Variants in FGD5 observed in about 807,000 individuals in gnomAD.
FGD5 encodes the protein FYVE, RhoGEF and PH domain containing 5, also known as FYVE, RhoGEF and PH domain-containing protein 5.
Under a neutral mutation model 133.4 loss-of-function variants are expected in FGD5, and 28 were observed. The observed-to-expected ratio is 0.21, with a 90% CI of 0.16 to 0.29. The LOEUF is 0.29. Ranked by LOEUF, FGD5 falls within the 10% of genes least tolerant of loss-of-function variation. The pLI, the probability that FGD5 is intolerant of heterozygous loss-of-function variation, is 1.00. For missense variants in FGD5, 1,858 were observed against 1,895.2 expected (o/e 0.98, Z 0.36); for synonymous variants, 810 against 776.5 (o/e 1.04, Z -0.72).
chr3:14,820,444 C>G lies in FGD5; in HGVS notation c.1373C>G (p.Ser458Trp), dbSNP rs199523576. The G allele has an allele frequency of 5.0e-6, 8 of 1,613,732 alleles. No homozygotes were observed. The highest frequency in any genetic ancestry group is 1.1e-5 in the South Asian group (1 of 91,076). Residue 458 changes from serine to tryptophan, a missense_variant, in exon 1 of 20, where the codon TCG (serine) becomes TGG (tryptophan). Coordinates refer to ENST00000285046, the MANE Select transcript of FGD5 (RefSeq NM_152536.4). ...AASDALGGYG[S>W]KEELNCEAEG... Reference sequence around the variant, plus strand: ...TCGGACGCCCTGGGTGGTTATGGCTCGAAAGAAGAATTGAACTGTGAGGCA... The same window carrying G: ...TCGGACGCCCTGGGTGGTTATGGCTGGAAAGAAGAATTGAACTGTGAGGCA...
At chr3:14,926,394 C>A (rs951676376) in intron 18 of FGD5, among the ~76,000 whole-genome samples, 196 bp downstream of exon 18, 3 of 152,216 alleles carry the variant, frequency 2.0e-5, no homozygotes, top group Admixed American at 2.0e-4. Flanking sequence ...ACTTCAAAAT[C>A]TAAGGAATTT....
At chr3:14,838,439 T>C (rs542053404) in intron 1 of FGD5, among the ~76,000 whole-genome samples, 5 of 152,188 alleles carry the variant, frequency 3.3e-5, no homozygotes, top group African/African-American at 1.2e-4. Flanking sequence ...GATTAGGGAG[T>C]GGACATTTTG....
At chr3:14,856,397 G>T (rs1472133994) in intron 1 of FGD5, among the ~76,000 whole-genome samples, 2 of 152,058 alleles carry the variant, frequency 1.3e-5, no homozygotes, top group Non-Finnish European at 2.9e-5. Context: ...TTTAATTTCT[G>T]TTTCTGTGAA....
chr3:14,907,524 G>C, intron 9 of FGD5, 116 bp from the exon 10 acceptor site: 1 of 904,590 alleles, frequency 1.1e-6, no homozygotes, highest in Non-Finnish European at 1.7e-6. Context: ...ATTTGGGGCA[G>C]GCCTTTCCGG....
intron 17 of FGD5, 89 bp downstream of exon 17, chr3:14,924,227 TC>T (rs2038746050): frequency 6.3e-7 from 1 of 1,589,194 alleles, no homozygotes; most frequent in Non-Finnish European, 8.6e-7. Context: ...CCCTGCCCTG[TC>T]CCAGCCTGAC....
chr3:14,914,167 G>A (rs552980840), intron 11 of FGD5, among the ~76,000 whole-genome samples: 76 of 152,302 alleles, frequency 5.0e-4, no homozygotes, highest in African/African-American at 1.8e-3. Context: ...CTCAAGCCAG[G>A]GAGTGCCATG....
intron 2 of FGD5, among the ~76,000 whole-genome samples, chr3:14,872,031 T>C (rs929318462): frequency 6.6e-6 from 1 of 152,172 alleles, no homozygotes; most frequent in Non-Finnish European, 1.5e-5. Context: ...GTTGACAAGA[T>C]CCTCAGTGAC....
At chr3:14,902,899 C>T (rs916848588) in intron 9 of FGD5, among the ~76,000 whole-genome samples, 9 of 152,162 alleles carry the variant, frequency 5.9e-5, no homozygotes, top group African/African-American at 1.7e-4. Flanking sequence ...GAGGAGGAAC[C>T]GGAGCAGCCG....
intron 4 of FGD5, among the ~76,000 whole-genome samples, chr3:14,889,996 A>T (rs966345641): frequency 1.3e-5 from 2 of 152,100 alleles, no homozygotes; most frequent in African/African-American, 4.8e-5. Context: ...AGTTTTTTTT[A>T]ACAGCTTCAT....
At chr3:14,844,510 C>T (rs1423351398) in intron 1 of FGD5, among the ~76,000 whole-genome samples, 1 of 151,334 alleles carries the variant, frequency 6.6e-6, no homozygotes, top group Non-Finnish European at 1.5e-5. Flanking sequence ...GCCTTGGGAC[C>T]CGACTGACAC....
intron 4 of FGD5, among the ~76,000 whole-genome samples, chr3:14,884,848 T>C (rs1029366683): frequency 6.6e-6 from 1 of 152,104 alleles, no homozygotes; most frequent in Non-Finnish European, 1.5e-5. Context: ...GCAAACTGTT[T>C]ATCATGAGTG....
intron 1 of FGD5, among the ~76,000 whole-genome samples, chr3:14,859,890 C>T (rs374965826): frequency 6.7e-6 from 1 of 148,398 alleles, no homozygotes; most frequent in South Asian, 2.2e-4. Context: ...ACTCCCCCCC[C>T]AAAAAGGGAA....
intron 9 of FGD5, among the ~76,000 whole-genome samples, chr3:14,903,490 C>G (rs13087902): frequency 2.0e-5 from 3 of 146,410 alleles, no homozygotes; most frequent in Admixed American, 1.4e-4. Flanking sequence ...TCTCCCAGTG[C>G]TATCCCTCCC....
intron 16 of FGD5, 115 bp from the exon 17 acceptor site, chr3:14,923,893 C>A: frequency 1.5e-6 from 2 of 1,300,566 alleles, no homozygotes; most frequent in Non-Finnish European, 2.1e-6. Context: ...CTTTCAGGTC[C>A]CACTTAACCC....
chr3:14,901,224 G>A (rs188466220), intron 9 of FGD5, among the ~76,000 whole-genome samples, 163 bp downstream of exon 9: 221 of 152,314 alleles, frequency 1.5e-3, no homozygotes, highest in African/African-American at 5.0e-3. Context: ...CTCTTGATGT[G>A]TGACCTCAGG....
At chr3:14,855,606 T>G (rs1235462277) in intron 1 of FGD5, among the ~76,000 whole-genome samples, 1 of 152,202 alleles carries the variant, frequency 6.6e-6, no homozygotes, top group African/African-American at 2.4e-5. Context: ...CCCTAGTGAT[T>G]AGTGATGTGG....
rs373309968 is a variant in FGD5, at chr3:14,820,167, T to A, written c.1096T>A (p.Ser366Thr). 6.2e-7 allele frequency: 1 copy of A among 1,613,862 alleles called. No individual in the cohort carries two copies. The highest frequency in any genetic ancestry group is 8.5e-7 in the Non-Finnish European group (1 of 1,179,864). The change falls in exon 1 of 20, where the codon TCT becomes ACT. Residue 366 changes from serine to threonine, a missense_variant. This residue lies in a region of FGD5 where 1,824 missense variants were observed against 1,848.9 expected (regional missense o/e 0.99). Transcript: ENST00000285046. ...SFCSESCSPL[S>T]ESAKGLESEQ... ...TTGCAGCGAGAGCTGTTCTCCTCTTTCTGAATCAGCGAAAGGTTTAGAATC... is the reference window on the plus strand; with the variant it reads ...TTGCAGCGAGAGCTGTTCTCCTCTTACTGAATCAGCGAAAGGTTTAGAATC...
Position 14,926,194 on chromosome 3 carries a change from G to C in FGD5, c.4193G>C (p.Ser1398Thr). ...KGKVLYTYMA[S>T]EDKVALESMP... ...AAAGTTCTCTACACCTACATGGCCAGTGAGGTAGTAGTGATCTGCACTCTC... is the reference window on the plus strand; with the variant it reads ...AAAGTTCTCTACACCTACATGGCCACTGAGGTAGTAGTGATCTGCACTCTC... Residue 1398 changes from serine to threonine, a missense_variant, in exon 18 of 20, where the codon AGT (serine) becomes ACT (threonine). Ser to Thr is a moderately conservative substitution (Grantham distance 58, BLOSUM62 1). Around this residue, in one of 3 missense-constraint regions of FGD5, gnomAD observed 1,824 missense variants for 1,848.9 expected, o/e 0.99. Coordinates refer to ENST00000285046, the MANE Select transcript of FGD5 (RefSeq NM_152536.4). 2 of 1,613,326 alleles carry C rather than the reference G, an allele frequency of 1.2e-6. No individual in the cohort carries two copies. Among genetic ancestry groups the C allele is most frequent in the South Asian group, 2.2e-5 (2 of 91,050 alleles).
At chr3:14,810,943 G>C (rs1351322686) in intron 1 of FGD5, 2 of 972,842 alleles carry the variant, frequency 2.1e-6, no homozygotes, top group Admixed American at 6.2e-5. Context: ...TGGAGCTCCC[G>C]GGGAGCCCGG....
Sources: gnomAD v4.1 joint callset for allele counts (sites outside exome capture counted in the v4.1 genomes callset) on GRCh38, gnomAD v4.1.1 for gene constraint, gnomAD v4.1.1 regional missense constraint, MANE v1.5 for transcripts, NCBI Gene and HGNC (gene_info 2026-07-23, HGNC 2026-07-21) for gene names.